UGP2: variants seen among roughly 807,000 people sequenced by gnomAD.
UGP2 encodes the protein UTP--glucose-1-phosphate uridylyltransferase.
UGP2 carries 40 observed loss-of-function variants against 49.0 expected under a neutral mutation model. The ratio of observed to expected loss-of-function variants is 0.82; its 90% CI spans 0.63 to 1.06. The LOEUF (loss-of-function observed/expected upper bound fraction) is 1.06. UGP2 is among the 50% of genes least tolerant of loss of function. The pLI, the probability that UGP2 is intolerant of heterozygous loss-of-function variation, is 0.00. For synonymous variants in UGP2, 225 were observed against 213.0 expected (o/e 1.06, Z -0.49); for missense variants, 460 against 603.5 (o/e 0.76, Z 2.49).
intron 3 of UGP2, among the ~76,000 whole-genome samples, chr2:63,878,081 C>T (rs139162330): frequency 6.8e-6 from 1 of 146,950 alleles, no homozygotes; most frequent in East Asian, 2.0e-4. Context: ...GCAGTTCTGG[C>T]GATTGAACTG....
chr2:63,875,790 T>C (rs1480313497), intron 3 of UGP2, among the ~76,000 whole-genome samples: 3 of 152,050 alleles, frequency 2.0e-5, no homozygotes, highest in Non-Finnish European at 4.4e-5. Flanking sequence ...ACCTATGGAG[T>C]TTCCCTCCTG....
chr2:63,861,463 A>G (rs1168485488), intron 3 of UGP2, among the ~76,000 whole-genome samples: 1 of 151,916 alleles, frequency 6.6e-6, no homozygotes, highest in African/African-American at 2.4e-5. Flanking sequence ...ATTTCTATAC[A>G]AAATATTCTC....
At chr2:63,861,054 TAAG>T (rs1482628542) in intron 3 of UGP2, among the ~76,000 whole-genome samples, 2 of 152,080 alleles carry the variant, frequency 1.3e-5, no homozygotes, top group Non-Finnish European at 2.9e-5. Flanking sequence ...TTATGGCTAA[TAAG>T]AACCCAGTTT....
At chr2:63,874,353 A>G (rs1311288699) in intron 3 of UGP2, among the ~76,000 whole-genome samples, 10 of 152,204 alleles carry the variant, frequency 6.6e-5, no homozygotes, top group Non-Finnish European at 1.0e-4. Context: ...GACCACTGCA[A>G]TAACACAGGT....
intron 3 of UGP2, chr2:63,862,839 A>G (rs765144629): frequency 8.8e-6 from 4 of 455,688 alleles, no homozygotes; most frequent in South Asian, 6.2e-5. Flanking sequence ...TTTTGCCCAC[A>G]GGCAGGCTAA....
Position 63,891,361 on chromosome 2 carries a change from T to TAAAA in UGP2, c.*134_*135insAAAA, listed in dbSNP as rs1672145766. On this transcript the variant is annotated 3_prime_UTR_variant, in exon 10 of 10. Coordinates refer to ENST00000337130, the MANE Select transcript of UGP2 (RefSeq NM_006759.4). Reference sequence around the variant, plus strand: ...TGTTGATTTTTAAAATAGAGTTTTCTGCAGTATGCTTTTAGTCTAAGAAAA... The same window carrying TAAAA: ...TGTTGATTTTTAAAATAGAGTTTTCTAAAAGCAGTATGCTTTTAGTCTAAGAAAA... 5.0e-6 allele frequency: 3 copies of TAAAA among 598,732 alleles called. No individual in the cohort carries two copies. Among genetic ancestry groups the TAAAA allele is most frequent in the Admixed American group, 3.8e-5 (1 of 26,270 alleles). The allele number at this position is 598,732 out of a possible 1,614,324, so 37.1% of individuals were successfully genotyped here.
chr2:63,853,601 G>C (rs1286511774), intron 1 of UGP2, among the ~76,000 whole-genome samples: 1 of 152,004 alleles, frequency 6.6e-6, no homozygotes, highest in Non-Finnish European at 1.5e-5. Flanking sequence ...CCTTCCCTGT[G>C]GTTTTTCCAT....
At chr2:63,841,617 G>GT (rs1353006749), upstream of UGP2, 1 of 152,434 alleles carries the variant, frequency 6.6e-6, no homozygotes, top group Admixed American at 6.5e-5. Context: ...GTCCCAGGAT[G>GT]TTTATGGCTG....
intron 3 of UGP2, among the ~76,000 whole-genome samples, chr2:63,866,212 G>C (rs1463981664): frequency 6.6e-6 from 1 of 152,168 alleles, no homozygotes; most frequent in Non-Finnish European, 1.5e-5. Flanking sequence ...GTATATTATT[G>C]ATGTGGTTTA....
intron 1 of UGP2, chr2:63,855,351 A>G: frequency 2.4e-6 from 1 of 419,242 alleles, no homozygotes; most frequent in East Asian, 6.9e-5. Context: ...CATTTTTAAA[A>G]TAAGATTGAA....
At chr2:63,878,229 C>T (rs944362378) in intron 3 of UGP2, among the ~76,000 whole-genome samples, 26 of 152,032 alleles carry the variant, frequency 1.7e-4, no homozygotes, top group Non-Finnish European at 7.4e-5. Context: ...AGCAGATGTT[C>T]TCTGATAGCT....
intron 3 of UGP2, among the ~76,000 whole-genome samples, chr2:63,876,770 G>A (rs1185572770): frequency 1.3e-5 from 2 of 152,208 alleles, no homozygotes; most frequent in African/African-American, 4.8e-5. Flanking sequence ...ATTGTGAGTT[G>A]CCAGGGCCTG....
intron 1 of UGP2, among the ~76,000 whole-genome samples, chr2:63,843,282 C>T (rs1202540032): frequency 2.6e-5 from 4 of 152,196 alleles, no homozygotes; most frequent in Non-Finnish European, 5.9e-5. Flanking sequence ...GCTATGCTTG[C>T]CTTTAGCGCT....
At chr2:63,842,236 G>A (rs1364484924) in intron 1 of UGP2, 32 bp downstream of exon 1, 1 of 1,609,340 alleles carries the variant, frequency 6.2e-7, no homozygotes, top group Admixed American at 1.7e-5. Context: ...ATCCCGAGTT[G>A]CTTCAGGCAA....
chr2:63,880,025 C>A (rs986262602), intron 3 of UGP2, among the ~76,000 whole-genome samples: 1 of 152,156 alleles, frequency 6.6e-6, no homozygotes. Flanking sequence ...AATGGAAATT[C>A]TTGGCTTTTA....
chr2:63,880,571 G>A (rs2104347731), intron 3 of UGP2, among the ~76,000 whole-genome samples: 1 of 152,240 alleles, frequency 6.6e-6, no homozygotes. Context: ...TATTTTTCTA[G>A]CAGTGTGACA....
At chr2:63,856,866 T>C (rs1669473720) in intron 2 of UGP2, 4 of 455,678 alleles carry the variant, frequency 8.8e-6, no homozygotes, top group African/African-American at 2.0e-5. Context: ...TTTACTTTTT[T>C]ACTTGTAAAT....
At chr2:63,879,004 G>GT (rs1671115293) in intron 3 of UGP2, among the ~76,000 whole-genome samples, 1 of 134,204 alleles carries the variant, frequency 7.5e-6, no homozygotes, top group African/African-American at 2.8e-5. Context: ...TTCACTGGAG[G>GT]TAAAAAAAAA....
chr2:63,880,009 C>G (rs1414643417), intron 3 of UGP2, among the ~76,000 whole-genome samples: 1 of 152,124 alleles, frequency 6.6e-6, no homozygotes, highest in Non-Finnish European at 1.5e-5. Flanking sequence ...TGAAAAATAA[C>G]TGATAAATGG....
Sources: allele counts gnomAD v4.1 joint callset (sites outside exome capture counted in the v4.1 genomes callset), GRCh38; gene constraint gnomAD v4.1.1; transcripts MANE v1.5; gene names NCBI Gene and HGNC (gene_info 2026-07-23, HGNC 2026-07-21).